The following SLC25A13 variants were observed in gnomAD, a reference collection of about 807,000 sequenced individuals.
The protein encoded by SLC25A13 is electrogenic aspartate/glutamate antiporter SLC25A13, mitochondrial.
A neutral mutation model predicts 85.5 loss-of-function variants in SLC25A13; 70 were observed. The observed-to-expected ratio is 0.82, with a 90% CI of 0.68 to 1.00. The LOEUF (loss-of-function observed/expected upper bound fraction) is 1.00, where lower values mean the gene tolerates loss of function less well. Among genes scored for constraint, SLC25A13 ranks in the 50% least tolerant of loss-of-function variants. The probability of loss-of-function intolerance (pLI) is 0.00; values close to 1 mark genes in which losing one functional copy is unlikely to be tolerated. For synonymous variants in SLC25A13, 259 were observed against 288.7 expected (o/e 0.90, Z 1.04); for missense variants, 765 against 819.8 (o/e 0.93, Z 0.82).
At chr7:96,320,091 G>A (rs916235548) in intron 1 of SLC25A13, among the ~76,000 whole-genome samples, 8 of 152,170 alleles carry the variant, frequency 5.3e-5, no homozygotes, top group African/African-American at 1.2e-4. Context: ...TGCAATCTCC[G>A]CCTCCTGAGT....
intron 13 of SLC25A13, among the ~76,000 whole-genome samples, chr7:96,168,014 C>T (rs1355328730): frequency 1.4e-5 from 2 of 142,270 alleles, no homozygotes; most frequent in Admixed American, 7.4e-5. Flanking sequence ...GCAGGAGAAT[C>T]GCTTGAACCC....
intron 3 of SLC25A13, among the ~76,000 whole-genome samples, chr7:96,238,141 T>C (rs1028146329): frequency 2.0e-5 from 3 of 152,176 alleles, no homozygotes; most frequent in African/African-American, 7.2e-5. Context: ...TAATCCAATA[T>C]GACTGGAGTC....
At chr7:96,280,893 A>G (rs568769473) in intron 2 of SLC25A13, among the ~76,000 whole-genome samples, 1 of 152,340 alleles carries the variant, frequency 6.6e-6, no homozygotes, top group East Asian at 1.9e-4. Flanking sequence ...ATAGCTGAAC[A>G]TACAACCACA....
intron 4 of SLC25A13, among the ~76,000 whole-genome samples, chr7:96,212,702 C>G (rs957299824): frequency 6.6e-6 from 1 of 152,170 alleles, no homozygotes; most frequent in Admixed American, 6.5e-5. Context: ...AGATCCTGCT[C>G]CAGGTAGCCA....
intron 1 of SLC25A13, chr7:96,307,017 T>C (rs1799769227): frequency 1.3e-6 from 1 of 793,224 alleles, no homozygotes. Context: ...TGGGTCCCTT[T>C]TGTACTTCCT....
chr7:96,302,542 A>G (rs1799588365), intron 1 of SLC25A13, among the ~76,000 whole-genome samples: 1 of 152,228 alleles, frequency 6.6e-6, no homozygotes, highest in Non-Finnish European at 1.5e-5. Context: ...AAATGCAAAG[A>G]AAAGCAAAGC....
At chr7:96,212,853 G>GT (rs1339050939) in intron 4 of SLC25A13, among the ~76,000 whole-genome samples, 1 of 151,634 alleles carries the variant, frequency 6.6e-6, no homozygotes, top group Non-Finnish European at 1.5e-5. Flanking sequence ...GCCTGAAGTT[G>GT]TTTACCACTT....
intron 1 of SLC25A13, among the ~76,000 whole-genome samples, chr7:96,298,760 T>C (rs1284595116): frequency 6.6e-6 from 1 of 152,164 alleles, no homozygotes; most frequent in African/African-American, 2.4e-5. Flanking sequence ...TTAAAAATCC[T>C]GAATTAGTAA....
In SLC25A13 at chr7:96,131,819, A is replaced by G. The variant is rs1198514509; in HGVS notation, c.1515T>C (p.Ala505=). 2 of 1,614,150 alleles carry G rather than the reference A, an allele frequency of 1.2e-6. No individual in the cohort carries two copies. The highest frequency in any genetic ancestry group is 1.3e-5 in the African/African-American group (1 of 75,036). ...PFSAIYFPCY[A]HVKASFANED... ...CATTTGCAAAGGAAGCCTTCACATG[A>G]GCATAGCACGGAAAGTAGATGGCCG... The change falls in exon 15 of 18, where the codon GCT becomes GCC. Residue 505 remains alanine (A), a synonymous_variant. Coordinates refer to ENST00000265631, the MANE Select transcript of SLC25A13 (RefSeq NM_014251.3).
chr7:96,183,820 A>T (rs779735975), intron 11 of SLC25A13, among the ~76,000 whole-genome samples: 143 of 152,286 alleles, frequency 9.4e-4, no homozygotes, highest in Admixed American at 2.6e-3. Context: ...TCAGATGAAG[A>T]AAAGGGGCAA....
chr7:96,305,359 T>A (rs576047858), intron 1 of SLC25A13, among the ~76,000 whole-genome samples: 1 of 152,374 alleles, frequency 6.6e-6, no homozygotes, highest in African/African-American at 2.4e-5. Context: ...AAATTCTTTT[T>A]AATTTGGCAT....
intron 3 of SLC25A13, among the ~76,000 whole-genome samples, chr7:96,251,743 T>C (rs1298190760): frequency 6.6e-6 from 1 of 152,178 alleles, no homozygotes; most frequent in East Asian, 1.9e-4. Context: ...AATAAACTGT[T>C]CTTGAAACTG....
chr7:96,189,188 A>G (rs1488302680), intron 9 of SLC25A13, 106 bp downstream of exon 9: 1 of 933,306 alleles, frequency 1.1e-6, no homozygotes, highest in Non-Finnish European at 1.7e-6. Context: ...AAACAGAAAA[A>G]TGGTTAAGTC....
intron 1 of SLC25A13, among the ~76,000 whole-genome samples, chr7:96,315,364 A>G (rs1376805403): frequency 6.6e-6 from 1 of 152,188 alleles, no homozygotes; most frequent in Non-Finnish European, 1.5e-5. Flanking sequence ...ACCCAAGTCC[A>G]ATTCAATCAT....
intron 2 of SLC25A13, among the ~76,000 whole-genome samples, chr7:96,281,422 TC>T (rs1258523239): frequency 6.8e-6 from 1 of 147,892 alleles, no homozygotes; most frequent in Admixed American, 6.7e-5. Context: ...ATAAACTAAC[TC>T]CAACTACATA....
At chr7:96,313,924 G>A (rs571214065) in intron 1 of SLC25A13, among the ~76,000 whole-genome samples, 3 of 152,136 alleles carry the variant, frequency 2.0e-5, no homozygotes, top group South Asian at 2.1e-4. Flanking sequence ...CCTGTACAGG[G>A]AAGGGAAAAA....
At chr7:96,182,130 T>G (rs1471191673) in intron 11 of SLC25A13, among the ~76,000 whole-genome samples, 1 of 152,210 alleles carries the variant, frequency 6.6e-6, no homozygotes, top group African/African-American at 2.4e-5. Flanking sequence ...TTATTGATGA[T>G]GTACAAGAAA....
rs567154186 is a variant in SLC25A13, at chr7:96,292,741, C to T, written c.69+4157G>A. On this transcript the variant is annotated intron_variant, in intron 2 of 17. Transcript: ENST00000265631. ...TTACAAGGGATGTGAAGGACCTCTT[C>T]AAGGAGAACTGCAAATCACTGCTCA... 1.4e-3 allele frequency among the ~76,000 whole-genome samples: 218 copies of T among 152,228 alleles called. 1 individual carries two copies. The highest frequency in any genetic ancestry group is 5.0e-3 in the African/African-American group (206 of 41,526).
At chr7:96,297,641 C>G (rs1278335327) in intron 1 of SLC25A13, among the ~76,000 whole-genome samples, 1 of 152,120 alleles carries the variant, frequency 6.6e-6, no homozygotes, top group Non-Finnish European at 1.5e-5. Context: ...GCCAAGAGAA[C>G]ATATTTCTTA....
Sources: gnomAD v4.1 joint callset for allele counts (sites outside exome capture counted in the v4.1 genomes callset) on GRCh38, gnomAD v4.1.1 for gene constraint, MANE v1.5 for transcripts, NCBI Gene and HGNC (gene_info 2026-07-23, HGNC 2026-07-21) for gene names.